The following GRIK4 variants were observed in gnomAD, a reference collection of about 807,000 sequenced individuals.
The protein encoded by GRIK4 is glutamate receptor ionotropic, kainate 4.
Under a neutral mutation model 104.9 loss-of-function variants are expected in GRIK4, and 40 were observed. The observed-to-expected ratio is 0.38, with a 90% confidence interval of 0.30 to 0.50. The LOEUF (loss-of-function observed/expected upper bound fraction) is 0.50, where lower values mean the gene tolerates loss of function less well. Ranked by LOEUF, GRIK4 falls within the 20% of genes least tolerant of loss-of-function variation. The probability of loss-of-function intolerance (pLI) is 0.93; values close to 1 mark genes in which losing one functional copy is unlikely to be tolerated. For synonymous variants in GRIK4, 485 were observed against 524.9 expected, an observed-to-expected ratio of 0.92 and a Z score of 1.04; for missense variants, 1,047 against 1,308.1, an observed-to-expected ratio of 0.80 and a Z score of 3.08.
At position 120,956,867 on chromosome 11, in the gene GRIK4, C is replaced by T. The variant is rs1024302312; in HGVS notation, c.1788C>T (p.Ser596=). ...LLVNQYSLGN[S]LWFPVGGFMQ... is the part of the protein sequence containing the mutation. ...TGAACCAGTACTCCCTGGGCAACAG[C>T]CTCTGGTTTCCGGTCGGGGGGTTCA... The change falls in exon 16 of 21, where the codon AGC becomes AGT. Residue 596 remains serine, a synonymous_variant. Coordinates refer to ENST00000527524, the MANE Select transcript of GRIK4 (RefSeq NM_014619.5). This position sits in a 1 kb window ranked among gnomAD's most constrained non-coding sequence, Gnocchi z 4.6. 1 of 1,614,004 alleles carries T rather than the reference C, an allele frequency of 6.2e-7. No individual in the cohort carries two copies. The highest frequency in any genetic ancestry group is 1.3e-5 in the African/African-American group (1 of 75,064).
At chr11:120,918,310 G>A (rs1469970801) in intron 13 of GRIK4, among the ~76,000 whole-genome samples, 4 of 152,136 alleles carry the variant, frequency 2.6e-5, no homozygotes, top group African/African-American at 9.7e-5. Context: ...TCCTGAACCC[G>A]GGGTGACAAC....
At chr11:120,670,739 A>T (rs1267409821) in intron 3 of GRIK4, among the ~76,000 whole-genome samples, 2 of 151,558 alleles carry the variant, frequency 1.3e-5, no homozygotes, top group Non-Finnish European at 1.5e-5. Flanking sequence ...AAGTTCTGGG[A>T]TACATGTGCA....
intron 3 of GRIK4, among the ~76,000 whole-genome samples, chr11:120,667,455 G>A (rs1177918279): frequency 1.2e-4 from 18 of 152,268 alleles, no homozygotes; most frequent in African/African-American, 3.6e-4. Flanking sequence ...CTGCGTGGGC[G>A]GGACGCGTGC....
rs558970466 is a variant in GRIK4 at position 120,809,374 on chromosome 11, G to T, written c.248-6004G>T. ...TCCCTTCCTGTGCCTCCTGCAAACT[G>T]CTCAGAGGGCCGAGGCCTGCAGAAT... On this transcript the variant is annotated intron_variant, in intron 4 of 20. Transcript: ENST00000527524. 2.9e-4 allele frequency among the ~76,000 whole-genome samples: 44 copies of T among 152,326 alleles called. 1 individual carries two copies. Among genetic ancestry groups the T allele is most frequent in the African/African-American group, 9.6e-4 (40 of 41,558 alleles).
chr11:120,731,811 A>G (rs759379627), intron 3 of GRIK4, among the ~76,000 whole-genome samples: 4 of 151,696 alleles, frequency 2.6e-5, no homozygotes, highest in African/African-American at 7.3e-5. Context: ...GAATTTGTCT[A>G]TTTCTTCTAG....
chr11:120,790,970 A>T (rs1952382619), intron 3 of GRIK4, among the ~76,000 whole-genome samples: 1 of 152,242 alleles, frequency 6.6e-6, no homozygotes, highest in African/African-American at 2.4e-5. Flanking sequence ...TTTGGGACAC[A>T]GAATTTGGAC....
rs1252023456 is a variant in GRIK4, at chr11:120,961,082, C to G, written c.2040+8C>G. On this transcript the variant is annotated splice_region_variant and intron_variant, in intron 17 of 20. Transcript: ENST00000527524. Reference sequence around the variant, plus strand: ...AGCATGACCTTCTTCCAAGTAAACCCCATTTGGTTGCTCACCAGCATCGGG... The same window carrying G: ...AGCATGACCTTCTTCCAAGTAAACCGCATTTGGTTGCTCACCAGCATCGGG... 4 of 1,612,624 alleles carry G rather than the reference C, an allele frequency of 2.5e-6. No individual in the cohort carries two copies. The African/African-American group carries it at 5.3e-5, about 22-fold the overall frequency.
chr11:120,886,799 T>C (rs1014793264), intron 11 of GRIK4, among the ~76,000 whole-genome samples: 1 of 152,230 alleles, frequency 6.6e-6, no homozygotes, highest in Non-Finnish European at 1.5e-5. Flanking sequence ...CCTGCTCTCC[T>C]GTTTTCTCAC....
chr11:120,856,203 G>A (rs1001631340), intron 8 of GRIK4, among the ~76,000 whole-genome samples: 8 of 152,190 alleles, frequency 5.3e-5, no homozygotes, highest in African/African-American at 1.9e-4. Flanking sequence ...TCAGAGATCC[G>A]CCTGAAATCA....
intron 1 of GRIK4, among the ~76,000 whole-genome samples, chr11:120,562,174 C>T (rs1399267918): frequency 6.6e-6 from 1 of 152,130 alleles, no homozygotes; most frequent in Admixed American, 6.5e-5. Context: ...TAAGATATTA[C>T]CTTTATCCAT....
At chr11:120,767,124 A>C (rs1435703159) in intron 3 of GRIK4, among the ~76,000 whole-genome samples, 1 of 152,142 alleles carries the variant, frequency 6.6e-6, no homozygotes. Context: ...GTGAACCTCC[A>C]TACCATTTTC....
intron 1 of GRIK4, among the ~76,000 whole-genome samples, chr11:120,647,354 C>T (rs998224563): frequency 3.3e-5 from 5 of 152,222 alleles, no homozygotes; most frequent in African/African-American, 9.6e-5. Context: ...TCCAGGCCAT[C>T]GGGCGCCCCT....
chr11:120,684,044 G>T (rs1950238357), intron 3 of GRIK4, among the ~76,000 whole-genome samples: 1 of 152,212 alleles, frequency 6.6e-6, no homozygotes, highest in Non-Finnish European at 1.5e-5. Context: ...GCAAAGTGAG[G>T]CTGGGTGTAA....
chr11:120,754,943 T>G (rs1020704400), intron 3 of GRIK4, among the ~76,000 whole-genome samples: 1 of 152,200 alleles, frequency 6.6e-6, no homozygotes, highest in African/African-American at 2.4e-5. Context: ...ATTTATATGA[T>G]TTGCAAATAT....
At chr11:120,897,479 C>T (rs1054625931) in intron 11 of GRIK4, among the ~76,000 whole-genome samples, 1 of 150,148 alleles carries the variant, frequency 6.7e-6, no homozygotes, top group African/African-American at 2.5e-5. Context: ...ACCAAAAATA[C>T]AAAAATTAGC....
chr11:120,862,206 C>A, intron 9 of GRIK4, 86 bp downstream of exon 9: 1 of 1,173,012 alleles, frequency 8.5e-7, no homozygotes. Flanking sequence ...AACACATCTT[C>A]TTGGAGTCCA....
At chr11:120,641,007 C>T (rs181456318) in intron 1 of GRIK4, among the ~76,000 whole-genome samples, 28 of 152,326 alleles carry the variant, frequency 1.8e-4, no homozygotes, top group East Asian at 1.7e-3. Context: ...CCACCGCGCC[C>T]GGCCCAGAAA....
At chr11:120,887,889 G>T (rs1165817592) in intron 11 of GRIK4, among the ~76,000 whole-genome samples, 4 of 152,190 alleles carry the variant, frequency 2.6e-5, no homozygotes, top group Non-Finnish European at 5.9e-5. Flanking sequence ...TCCCTGAGGG[G>T]TGACATTCAG....
In GRIK4 at chr11:120,517,713, C is replaced by G. The variant is rs184207906; in HGVS notation, c.-159+5826C>G. Among the ~76,000 whole-genome samples, 217 of 152,248 alleles carry G rather than the reference C, an allele frequency of 1.4e-3. 3 individuals are homozygous for G. Among genetic ancestry groups the G allele is most frequent in the Admixed American group, 0.014 (210 of 15,296 alleles). ...TATAAACAAAGGCATAGAGTAAACT[C>G]TACTTCACGGAGCTCCCAGTTGAGT... On this transcript the variant is annotated intron_variant, in intron 1 of 20. Transcript: ENST00000527524.
Sources: allele counts gnomAD v4.1 joint callset (sites outside exome capture counted in the v4.1 genomes callset), GRCh38; gene constraint gnomAD v4.1.1; non-coding constraint Gnocchi (gnomAD v3.1); transcripts MANE v1.5; gene names NCBI Gene and HGNC (gene_info 2026-07-23, HGNC 2026-07-21).